The following ITGB3BP variants were observed in gnomAD, a reference collection of about 807,000 sequenced individuals.
The protein encoded by ITGB3BP is centromere protein R.
In ITGB3BP, 27 loss-of-function variants were observed where a neutral mutation model predicts 29.1. The observed-to-expected ratio is 0.93, with a 90% CI of 0.68 to 1.28. The LOEUF (loss-of-function observed/expected upper bound fraction) is 1.28. Ranked by LOEUF, ITGB3BP falls within the 50% of genes most tolerant of loss-of-function variation. The pLI is 0.00. For missense variants in ITGB3BP, 192 were observed against 200.2 expected (o/e 0.96, Z 0.25); for synonymous variants, 61 against 61.4 (o/e 0.99, Z 0.03).
chr1:63,466,190 G>A (rs936151008), intron 4 of ITGB3BP, among the ~76,000 whole-genome samples: 2 of 152,134 alleles, frequency 1.3e-5, no homozygotes, highest in African/African-American at 4.8e-5. Flanking sequence ...GTGAACTTTG[G>A]TACTGTCAAG....
At chr1:63,490,472 G>A (rs1645622491) in intron 2 of ITGB3BP, among the ~76,000 whole-genome samples, 1 of 152,100 alleles carries the variant, frequency 6.6e-6, no homozygotes, top group Admixed American at 6.5e-5. Flanking sequence ...ACTACCTTCT[G>A]AGATGGTATT....
chr1:63,444,486 GGA>G (rs1557603848), intron 8 of ITGB3BP, among the ~76,000 whole-genome samples: 2 of 143,794 alleles, frequency 1.4e-5, no homozygotes, highest in East Asian at 2.0e-4. Context: ...ATTACATATA[GGA>G]TATATATATT....
intron 1 of ITGB3BP, among the ~76,000 whole-genome samples, chr1:63,518,670 T>C (rs1471550909): frequency 1.3e-5 from 2 of 152,038 alleles, no homozygotes; most frequent in East Asian, 3.9e-4. Flanking sequence ...TCTAGCCTTA[T>C]AATATTCTCT....
intron 4 of ITGB3BP, among the ~76,000 whole-genome samples, chr1:63,459,626 TCTTA>T (rs994495659): frequency 2.6e-5 from 4 of 152,270 alleles, no homozygotes; most frequent in African/African-American, 7.2e-5. Context: ...ACAAACTATA[TCTTA>T]CTTAATTTTC....
chr1:63,526,769 AT>A (rs952440207), upstream of ITGB3BP, among the ~76,000 whole-genome samples: 102 of 147,460 alleles, frequency 6.9e-4, no homozygotes, highest in East Asian at 3.7e-3. Flanking sequence ...CATCCAATAA[AT>A]TTTTTTTTTT....
chr1:63,454,533 TCTA>T lies in ITGB3BP; in HGVS notation c.334-63_334-61del. ...CTACACACATGAGATTACTGACATGTCTAGTGAAAATACAGTATATTGTTTCCT... is the reference window on the plus strand; with the variant it reads ...CTACACACATGAGATTACTGACATGTGTGAAAATACAGTATATTGTTTCCT... On this transcript the variant is annotated intron_variant, in intron 5 of 8. Transcript: ENST00000271002. The surrounding 1 kb of genome is among the most constrained non-coding windows in gnomAD (Gnocchi z 4.1). The T allele has an allele frequency of 3.8e-6, 3 of 780,998 alleles. No homozygotes were observed. The highest frequency in any genetic ancestry group is 6.4e-6 in the Non-Finnish European group (3 of 471,314). 48.4% of individuals were successfully genotyped at this position (780,998 alleles called of 1,614,324 possible).
chr1:63,492,168 C>T (rs994886048), intron 2 of ITGB3BP, among the ~76,000 whole-genome samples: 1 of 147,186 alleles, frequency 6.8e-6, no homozygotes, highest in Non-Finnish European at 1.5e-5. Flanking sequence ...CAGAAAATAA[C>T]TCTGTGAGTG....
At chr1:63,480,097 A>C (rs796110827) in intron 3 of ITGB3BP, among the ~76,000 whole-genome samples, 15 of 152,254 alleles carry the variant, frequency 9.9e-5, no homozygotes, top group African/African-American at 3.6e-4. Context: ...ATAACAATAA[A>C]ATAAATAAAT....
intron 4 of ITGB3BP, among the ~76,000 whole-genome samples, chr1:63,474,889 TAA>T (rs71052480): frequency 0.011 from 1,587 of 144,976 alleles, 25 homozygotes; most frequent in African/African-American, 0.034. Context: ...GAATGATCAA[TAA>T]AAAAAAAAAA....
Sources: allele counts gnomAD v4.1 joint callset (sites outside exome capture counted in the v4.1 genomes callset), GRCh38; gene constraint gnomAD v4.1.1; non-coding constraint Gnocchi (gnomAD v3.1); transcripts MANE v1.5; gene names NCBI Gene and HGNC (gene_info 2026-07-23, HGNC 2026-07-21).